The following ANO1 variants were observed in gnomAD, a reference collection of about 807,000 sequenced individuals.
ANO1 encodes anoctamin 1.
ANO1 carries 59 observed loss-of-function variants against 124.0 expected under a neutral mutation model. That is an observed-to-expected ratio of 0.48 (90% CI 0.39 to 0.59). The LOEUF (loss-of-function observed/expected upper bound fraction) is 0.59. Ranked by LOEUF, ANO1 falls within the 20% of genes least tolerant of loss-of-function variation. The probability of loss-of-function intolerance (pLI) is 0.00; values close to 1 mark genes in which losing one functional copy is unlikely to be tolerated. For synonymous variants in ANO1, 529 were observed against 532.0 expected, an observed-to-expected ratio of 0.99 and a Z score of 0.08; for missense variants, 1,059 against 1,328.0, an observed-to-expected ratio of 0.80 and a Z score of 3.15.
intron 2 of ANO1, among the ~76,000 whole-genome samples, chr11:70,090,275 G>C (rs2044576287): frequency 6.6e-6 from 1 of 152,188 alleles, no homozygotes. Context: ...CCAAAGTGCT[G>C]GGATTACAGG....
chr11:70,175,613 G>A (rs2048664191), intron 22 of ANO1, among the ~76,000 whole-genome samples: 1 of 152,230 alleles, frequency 6.6e-6, no homozygotes, highest in Admixed American at 6.5e-5. Flanking sequence ...TTTTCTTCCT[G>A]GTTCTTCAGA....
In ANO1 at chr11:70,188,895, T is replaced by TC. The variant is rs374756601; in HGVS notation, c.*892dup. On this transcript the variant is annotated 3_prime_UTR_variant, in exon 26 of 26. Coordinates refer to ENST00000355303, the MANE Select transcript of ANO1 (RefSeq NM_018043.7). Reference sequence around the variant, plus strand: ...CTTTAGAATATTTATGGGTTTTTTTTCAAATATCAATTATATGGTAGATTG... The same window carrying TC: ...CTTTAGAATATTTATGGGTTTTTTTTCCAAATATCAATTATATGGTAGATTG... 1 of 151,006 alleles carries TC rather than the reference T, an allele frequency of 6.6e-6. No homozygotes were observed. Among genetic ancestry groups the TC allele is most frequent in the Non-Finnish European group, 1.5e-5 (1 of 67,566 alleles). The allele number at this position is 151,006 out of a possible 1,614,324, so 9.4% of individuals were successfully genotyped here.
At chr11:70,153,890 C>T (rs554807444) in intron 14 of ANO1, among the ~76,000 whole-genome samples, 24 of 152,144 alleles carry the variant, frequency 1.6e-4, no homozygotes, top group Admixed American at 7.9e-4. Context: ...CTCAGCCTCC[C>T]GGGTACCTGG....
chr11:70,057,995 A>T (rs1222526290), intron 1 of ANO1, among the ~76,000 whole-genome samples: 1 of 152,182 alleles, frequency 6.6e-6, no homozygotes, highest in Non-Finnish European at 1.5e-5. Flanking sequence ...TTTGAGCAGG[A>T]TTGTGGTGGC....
rs539836577 is a variant in ANO1, at chr11:70,026,644, G to T, written c.58+40478G>T. 4.6e-4 allele frequency among the ~76,000 whole-genome samples: 70 copies of T among 152,186 alleles called. 1 individual carries two copies. The South Asian group carries it at 0.011, about 23-fold the overall frequency. Reference sequence around the variant, plus strand: ...TTGCTGCCATCATTCAAGAGACCAGGGTCACTTTCTCAAATTGATGAAACA... The same window carrying T: ...TTGCTGCCATCATTCAAGAGACCAGTGTCACTTTCTCAAATTGATGAAACA... On this transcript the variant is annotated intron_variant, in intron 1 of 27. Transcript: ENST00000531349.
chr11:70,030,875 C>T (rs1353085243), intron 1 of ANO1, among the ~76,000 whole-genome samples: 2 of 151,884 alleles, frequency 1.3e-5, no homozygotes, highest in Non-Finnish European at 1.5e-5. Context: ...AAGAGAAACA[C>T]CCCCCGTTTT....
At chr11:70,132,141 T>A (rs2046783361) in intron 11 of ANO1, 62 bp downstream of exon 11, 2 of 1,499,994 alleles carry the variant, frequency 1.3e-6, no homozygotes, top group Admixed American at 4.1e-5. Flanking sequence ...GTACCTAGGC[T>A]GCTTCTGTCT....
intron 23 of ANO1, among the ~76,000 whole-genome samples, chr11:70,181,274 G>A (rs960474996): frequency 2.0e-5 from 3 of 152,176 alleles, no homozygotes; most frequent in Non-Finnish European, 2.9e-5. Context: ...CTGCAGGGCC[G>A]TGATGCCAAG....
At chr11:70,002,495 C>T (rs922178182) in intron 1 of ANO1, among the ~76,000 whole-genome samples, 6 of 111,386 alleles carry the variant, frequency 5.4e-5, no homozygotes, top group African/African-American at 1.8e-4. Context: ...AAAACACTTA[C>T]GATTATGTTG....
chr11:70,081,674 G>T (rs1171485450), intron 1 of ANO1, among the ~76,000 whole-genome samples: 1 of 152,182 alleles, frequency 6.6e-6, no homozygotes. Flanking sequence ...GAGACCAGCG[G>T]AAGAAACCAG....
the ANO1 span, among the ~76,000 whole-genome samples, chr11:69,977,751 C>T: frequency 4.7e-4 from 72 of 152,326 alleles, no homozygotes; most frequent in South Asian, 1.2e-3. Flanking sequence ...ACTGCAGCCC[C>T]GAGGCTTTGT....
intron 1 of ANO1, among the ~76,000 whole-genome samples, chr11:70,079,836 C>T (rs1459106541): frequency 1.3e-5 from 2 of 152,212 alleles, no homozygotes; most frequent in Admixed American, 6.5e-5. Flanking sequence ...ACAGCAGGGA[C>T]TCTGGCCTTG....
chr11:70,019,488 C>A (rs1346477442), intron 1 of ANO1, among the ~76,000 whole-genome samples: 2 of 152,220 alleles, frequency 1.3e-5, no homozygotes, highest in African/African-American at 2.4e-5. Context: ...CCCCTTCAGA[C>A]CTGCCCTCTG....
the ANO1 span, among the ~76,000 whole-genome samples, chr11:69,966,368 C>T: frequency 3.9e-5 from 6 of 152,186 alleles, no homozygotes; most frequent in Admixed American, 1.3e-4. Flanking sequence ...TAATGATTAA[C>T]CCACACCTGC....
chr11:70,116,625 G>T, intron 8 of ANO1, 126 bp downstream of exon 8: 1 of 857,248 alleles, frequency 1.2e-6, no homozygotes. Context: ...GCTCGCTGCA[G>T]GGGGCTGAGA....
chr11:70,105,052 A>AG lies in ANO1; in HGVS notation c.693-680dup, dbSNP rs142058075. Among the ~76,000 whole-genome samples, 24 of 152,160 alleles carry AG rather than the reference A, an allele frequency of 1.6e-4. No individual in the cohort carries two copies. In the East Asian group the frequency reaches 4.7e-3, roughly 30 times the overall value. ...CCAGAACAGGGGCTTGGGGCATTAG[A>AG]GGAAACCGCCCTCCTTCCAGGACCC... On this transcript the variant is annotated intron_variant, in intron 4 of 25. Coordinates refer to ENST00000355303, the MANE Select transcript of ANO1 (RefSeq NM_018043.7).
chr11:70,170,182 T>C (rs1050040548), intron 21 of ANO1: 3 of 455,174 alleles, frequency 6.6e-6, no homozygotes, highest in Non-Finnish European at 1.3e-5. Context: ...GTCCCCCAGG[T>C]CCCAGGGAGC....
intron 11 of ANO1, among the ~76,000 whole-genome samples, chr11:70,148,338 C>T (rs1031674543): frequency 2.0e-5 from 3 of 152,168 alleles, no homozygotes; most frequent in African/African-American, 7.2e-5. Context: ...GCTTAAATCA[C>T]ACTGATACTT....
intron 1 of ANO1, among the ~76,000 whole-genome samples, chr11:70,069,934 AG>A (rs200520027): frequency 0.093 from 14,171 of 152,250 alleles, 984 homozygotes; most frequent in Admixed American, 0.18. Context: ...TATGCATGCA[AG>A]GATGTGCATG....
Sources: gnomAD v4.1 joint callset for allele counts (sites outside exome capture counted in the v4.1 genomes callset) on GRCh38, gnomAD v4.1.1 for gene constraint, MANE v1.5 for transcripts, NCBI Gene and HGNC (gene_info 2026-07-23, HGNC 2026-07-21) for gene names.